The following ZFC3H1 variants were observed in gnomAD, a reference collection of about 807,000 sequenced individuals.
ZFC3H1 encodes the protein zinc finger C3H1 domain-containing protein.
ZFC3H1 carries 71 observed loss-of-function variants against 243.7 expected under a neutral mutation model. The observed-to-expected ratio is 0.29, with a 90% confidence interval of 0.24 to 0.36. The LOEUF (loss-of-function observed/expected upper bound fraction) is 0.36. Ranked by LOEUF, ZFC3H1 falls within the 10% of genes least tolerant of loss-of-function variation. The probability of loss-of-function intolerance (pLI) is 1.00; values close to 1 mark genes in which losing one functional copy is unlikely to be tolerated. For missense variants in ZFC3H1, 1,966 were observed against 2,317.1 expected, an observed-to-expected ratio of 0.85 and a Z score of 3.11; for synonymous variants, 838 against 813.0, an observed-to-expected ratio of 1.03 and a Z score of -0.52.
In ZFC3H1 at chr12:71,632,123, T is replaced by C. The variant is rs1880337978; in HGVS notation, c.3209A>G (p.Asn1070Ser). 6.2e-7 allele frequency: 1 copy of C among 1,609,892 alleles called. No individual in the cohort carries two copies. Among genetic ancestry groups the C allele is most frequent in the African/African-American group, 1.3e-5 (1 of 74,454 alleles). ...HTDTANKECI[N>S]KLNKNTVEKP... ...TTCTACAGTATTTTTATTAAGTTTG[T>C]TTATGCATTCTTTGTTAGCAGTATC... Residue 1070 changes from asparagine to serine, a missense_variant, in exon 15 of 35, where the codon AAC becomes AGC. Asn to Ser is a conservative substitution (Grantham distance 46, BLOSUM62 1). Around this residue, in one of 4 missense-constraint regions of ZFC3H1, gnomAD observed 1,383 missense variants for 1,723.7 expected, o/e 0.80. Coordinates refer to ENST00000378743, the MANE Select transcript of ZFC3H1 (RefSeq NM_144982.5).
At chr12:71,629,791 T>C in intron 18 of ZFC3H1, 81 bp from the exon 19 acceptor site, 1 of 908,298 alleles carries the variant, frequency 1.1e-6, no homozygotes, top group Non-Finnish European at 1.7e-6. Flanking sequence ...CGTGAACTAG[T>C]TTAAGAATTA....
At position 71,619,316 on chromosome 12, in the gene ZFC3H1, G is replaced by A. The variant is rs376264612; in HGVS notation, c.5143C>T (p.Arg1715Trp). 5.6e-6 allele frequency: 9 copies of A among 1,612,658 alleles called. No homozygotes were observed. The highest frequency in any genetic ancestry group is 2.2e-5 in the East Asian group (1 of 44,770). ...FEKYNNLDLF[R>W]YLLNIPGPID... ...CAAACTAAGAATTCTACAACTTACCGAAACAGATCCAAGTTATTATACTTC... is the reference window on the plus strand; with the variant it reads ...CAAACTAAGAATTCTACAACTTACCAAAACAGATCCAAGTTATTATACTTC... The change falls in exon 27 of 35, where the codon CGG (arginine) becomes TGG (tryptophan). Residue 1715 changes from arginine to tryptophan, a missense_variant and splice_region_variant. Coordinates refer to ENST00000378743, the MANE Select transcript of ZFC3H1 (RefSeq NM_144982.5).
Position 71,657,001 on chromosome 12 carries a change from T to A in ZFC3H1, c.899A>T (p.Glu300Val). 6.2e-7 allele frequency: 1 copy of A among 1,613,930 alleles called. No individual in the cohort carries two copies. Among genetic ancestry groups the A allele is most frequent in the Non-Finnish European group, 8.5e-7 (1 of 1,179,946 alleles). Residue 300 changes from glutamate to valine, a missense_variant, in exon 2 of 35, where the codon GAA becomes GTA. Physicochemically the swap from Glu to Val is moderately radical, Grantham distance 121. Coordinates refer to ENST00000378743, the MANE Select transcript of ZFC3H1 (RefSeq NM_144982.5). Reference sequence around the variant, plus strand: ...CAATTTTTGCCTGAGTGGTTTTAATTCAAATGCCTGAAAAGTTTTGACTTG... The same window carrying A: ...CAATTTTTGCCTGAGTGGTTTTAATACAAATGCCTGAAAAGTTTTGACTTG... ...KTQVKTFQAFELKPLRQKLTL... is the reference protein window; with the variant it reads ...KTQVKTFQAFVLKPLRQKLTL...
In ZFC3H1 at chr12:71,615,194, T is replaced by G; in HGVS notation, c.5255+12A>C. 6.3e-7 allele frequency: 1 copy of G among 1,580,344 alleles called. No homozygotes were observed. The highest frequency in any genetic ancestry group is 8.7e-7 in the Non-Finnish European group (1 of 1,151,482). ...CCTAGTATGCAATATCTCTCCACAGTGGATGTCTCACCAGTAAATCAGCCA... is the reference window on the plus strand; with the variant it reads ...CCTAGTATGCAATATCTCTCCACAGGGGATGTCTCACCAGTAAATCAGCCA... On this transcript the variant is annotated intron_variant, in intron 28 of 34. Coordinates refer to ENST00000378743, the MANE Select transcript of ZFC3H1 (RefSeq NM_144982.5).
At chr12:71,643,541 T>C (rs909009358) in intron 5 of ZFC3H1, among the ~76,000 whole-genome samples, 1 of 152,188 alleles carries the variant, frequency 6.6e-6, no homozygotes, top group African/African-American at 2.4e-5. Flanking sequence ...AGTATACTCT[T>C]TTTGGGCTTT....
chr12:71,624,184 G>C lies in ZFC3H1; in HGVS notation c.4426C>G (p.Gln1476Glu), dbSNP rs557426044. The change falls in exon 23 of 35, where the codon CAG (glutamine) becomes GAG (glutamate). Residue 1476 changes from glutamine to glutamate, a missense_variant. By Grantham distance (29) the Gln-to-Glu change is conservative. This residue lies in a region of ZFC3H1 where 1,383 missense variants were observed against 1,723.7 expected (regional missense o/e 0.80). Coordinates refer to ENST00000378743, the MANE Select transcript of ZFC3H1 (RefSeq NM_144982.5). ...CTAAACAAAAGAGCCTCTAAAAGCT[G>C]AAAGGACAAAATATTGGATGTTTCC... ...KQETSNILSF[Q>E]LLEALLFRVQ... 2 of 1,614,054 alleles carry C rather than the reference G, an allele frequency of 1.2e-6. No individual in the cohort carries two copies. Among genetic ancestry groups the C allele is most frequent in the African/African-American group, 1.3e-5 (1 of 75,052 alleles).
At position 71,633,400 on chromosome 12, in the gene ZFC3H1, A is replaced by G; in HGVS notation, c.2549T>C (p.Leu850Ser). ...TTTCTTCTTAGCTTCTTGTTGCACT[A>G]AATTCTTTAAAACAGATTCATCTTT... Reference protein sequence around the residue: ...LMKDESVLKNLVQQEAKKKES... With the variant: ...LMKDESVLKNSVQQEAKKKES... The change falls in exon 13 of 35, where the codon TTA becomes TCA. Residue 850 changes from leucine to serine, a missense_variant. Leu to Ser is a moderately radical substitution (Grantham distance 145). Transcript: ENST00000378743. 6.3e-7 allele frequency: 1 copy of G among 1,585,382 alleles called. No individual in the cohort carries two copies. Among genetic ancestry groups the G allele is most frequent in the Non-Finnish European group, 8.6e-7 (1 of 1,166,672 alleles).
Position 71,623,246 on chromosome 12 carries a change from T to C in ZFC3H1, c.4744+114A>G, listed in dbSNP as rs959986205. The stretch of plus-strand genomic sequence containing the variant: ...AATTGTGAAACTAAAACTTGCAATA[T>C]AGAGATATAAATTTGTTCCACTTAA... On this transcript the variant is annotated intron_variant, in intron 24 of 34. Coordinates refer to ENST00000378743, the MANE Select transcript of ZFC3H1 (RefSeq NM_144982.5). 1.1e-5 allele frequency: 10 copies of C among 894,126 alleles called. No individual in the cohort carries two copies. The South Asian group carries it at 1.5e-4, about 13-fold the overall frequency. The allele number at this position is 894,126 out of a possible 1,614,324, so 55.4% of individuals were successfully genotyped here.
At chr12:71,647,526 A>AAT (rs1880758523) in intron 3 of ZFC3H1, among the ~76,000 whole-genome samples, 1 of 152,210 alleles carries the variant, frequency 6.6e-6, no homozygotes, top group African/African-American at 2.4e-5. Context: ...ATCCCGTATG[A>AAT]ATATATATAA....
At position 71,610,763 on chromosome 12, in the gene ZFC3H1, A is replaced by C. The variant is rs1879748046; in HGVS notation, c.5770-6T>G. The C allele has an allele frequency of 1.9e-6, 3 of 1,612,072 alleles. No homozygotes were observed. The highest frequency in any genetic ancestry group is 2.5e-6 in the Non-Finnish European group (3 of 1,179,014). On this transcript the variant is annotated splice_region_variant and splice_polypyrimidine_tract_variant and intron_variant, in intron 33 of 34. Transcript: ENST00000378743. ...CTCTGATATAAACGGTGGACCTGTA[A>C]GATAGATATACACACAATTCCATCA...
intron 1 of ZFC3H1, chr12:71,660,450 A>G (rs1881136527): frequency 1.3e-5 from 2 of 152,146 alleles, no homozygotes; most frequent in Non-Finnish European, 1.5e-5. Flanking sequence ...AAACAACAAG[A>G]TATCTTATTT....
At chr12:71,661,855 G>A (rs901187323) in intron 1 of ZFC3H1, among the ~76,000 whole-genome samples, 1 of 152,168 alleles carries the variant, frequency 6.6e-6, no homozygotes, top group Non-Finnish European at 1.5e-5. Context: ...AGGTTTTTCA[G>A]GGAACTAGCA....
rs78838963 is a variant in ZFC3H1, at chr12:71,637,156, A to G, written c.1726-97T>C. 1,089 of 1,076,916 alleles carry G rather than the reference A, an allele frequency of 1.0e-3. 5 individuals carry two copies. In the African/African-American group the frequency reaches 0.016, roughly 16 times the overall value. 66.7% of individuals were successfully genotyped at this position (1,076,916 alleles called of 1,614,324 possible). On this transcript the variant is annotated intron_variant, in intron 7 of 34. Transcript: ENST00000378743. ...TAAACTAGAAAAAAATAAACTTTAC[A>G]TTATTATTTTAGCTGTAAATATAGT...
intron 2 of ZFC3H1, chr12:71,656,420 T>C (rs572081774): frequency 1.2e-5 from 7 of 572,132 alleles, no homozygotes; most frequent in Non-Finnish European, 1.8e-5. Context: ...AATTATATAA[T>C]TCATTACACT....
Position 71,615,233 on chromosome 12 carries a change from T to C in ZFC3H1, c.5228A>G (p.Gln1743Arg), listed in dbSNP as rs1429635304. 1.9e-6 allele frequency: 3 copies of C among 1,613,326 alleles called. No homozygotes were observed. In the South Asian group the frequency reaches 3.3e-5, roughly 18 times the overall value. Residue 1743 changes from glutamine (Q) to arginine (R), a missense_variant, in exon 28 of 35, where the codon CAA (glutamine) becomes CGA (arginine). Gln to Arg is a conservative substitution (Grantham distance 43). Transcript: ENST00000378743. The part of the protein sequence containing the change: ...GNFDDDMFNH[Q>R]VPYLWLIYCL... ...GTAAATCAGCCACAAATAAGGAACT[T>C]GGTGGTTAAACATATCATCATCAAA...
intron 20 of ZFC3H1, 79 bp from the exon 21 acceptor site, chr12:71,628,013 T>C (rs191007210): frequency 1.7e-5 from 24 of 1,376,638 alleles, no homozygotes; most frequent in Admixed American, 1.7e-4. Flanking sequence ...ATTGGTCTCA[T>C]CTTTAAAGTA....
intron 1 of ZFC3H1, 116 bp from the exon 2 acceptor site, chr12:71,657,417 C>T (rs1323442294): frequency 7.3e-6 from 6 of 827,234 alleles, no homozygotes; most frequent in African/African-American, 5.2e-5. Flanking sequence ...AAAAATGAAT[C>T]GATATTTTTA....
intron 15 of ZFC3H1, 42 bp downstream of exon 15, chr12:71,631,930 G>A (rs1880333456): frequency 6.2e-7 from 1 of 1,604,830 alleles, no homozygotes; most frequent in East Asian, 2.2e-5. Context: ...ATAAGGCTGG[G>A]TGAATTCCAG....
At chr12:71,640,784 T>A (rs1045843050) in intron 6 of ZFC3H1, among the ~76,000 whole-genome samples, 2 of 152,144 alleles carry the variant, frequency 1.3e-5, no homozygotes, top group African/African-American at 4.8e-5. Context: ...TGAAAAAAAA[T>A]AAATAACCTT....
Sources: allele counts gnomAD v4.1 joint callset (sites outside exome capture counted in the v4.1 genomes callset), GRCh38; gene constraint gnomAD v4.1.1; regional missense constraint gnomAD v4.1.1; transcripts MANE v1.5; gene names NCBI Gene and HGNC (gene_info 2026-07-23, HGNC 2026-07-21).